Variants in GLCCI1 observed in about 807,000 individuals in gnomAD.
The protein encoded by GLCCI1 is glucocorticoid-induced transcript 1 protein.
A neutral mutation model predicts 52.2 loss-of-function variants in GLCCI1; 24 were observed. That is an observed-to-expected ratio of 0.46 (90% confidence interval 0.33 to 0.65). GLCCI1 has a LOEUF of 0.65. Among genes scored for constraint, GLCCI1 ranks in the 30% least tolerant of loss-of-function variants. The pLI is 0.02. For missense variants in GLCCI1, 704 were observed against 701.5 expected (o/e 1.00, Z -0.04); for synonymous variants, 310 against 276.5 (o/e 1.12, Z -1.20).
At chr7:7,989,523 C>A (rs1483170985) in intron 1 of GLCCI1, among the ~76,000 whole-genome samples, 1 of 152,020 alleles carries the variant, frequency 6.6e-6, no homozygotes, top group Non-Finnish European at 1.5e-5. Flanking sequence ...TTTAGATGAG[C>A]CTCACATAAA....
At chr7:8,033,880 G>GT (rs1196169355) in intron 3 of GLCCI1, among the ~76,000 whole-genome samples, 3 of 152,020 alleles carry the variant, frequency 2.0e-5, no homozygotes, top group Non-Finnish European at 2.9e-5. Context: ...TTTTTGGTTT[G>GT]TTTTTTACTA....
chr7:7,981,282 TTCTC>T (rs1047575862), intron 1 of GLCCI1: 10 of 248,148 alleles, frequency 4.0e-5, no homozygotes, highest in Admixed American at 3.0e-4. Flanking sequence ...CTTTCTTTCT[TTCTC>T]TCTCCCTCTT....
At chr7:8,064,668 T>G (rs1292340765) in intron 5 of GLCCI1, among the ~76,000 whole-genome samples, 1 of 152,178 alleles carries the variant, frequency 6.6e-6, no homozygotes, top group Non-Finnish European at 1.5e-5. Flanking sequence ...GGAACAGCAT[T>G]GAATCTGGAA....
chr7:8,046,211 A>G (rs565777060), intron 3 of GLCCI1, among the ~76,000 whole-genome samples: 3 of 152,352 alleles, frequency 2.0e-5, no homozygotes, highest in African/African-American at 4.8e-5. Context: ...CGTAGAACAT[A>G]GAACAAAGAG....
At chr7:8,075,603 G>A (rs1225834595) in intron 6 of GLCCI1, among the ~76,000 whole-genome samples, 1 of 152,186 alleles carries the variant, frequency 6.6e-6, no homozygotes, top group Admixed American at 6.5e-5. Context: ...CCAAACTGGT[G>A]CTGGTTAAGC....
intron 1 of GLCCI1, among the ~76,000 whole-genome samples, chr7:7,984,627 G>A (rs1047574946): frequency 1.3e-5 from 2 of 152,110 alleles, no homozygotes; most frequent in African/African-American, 2.4e-5. Context: ...TGTTATTTAC[G>A]CAAACTTTTT....
chr7:7,981,186 A>G (rs1382530009), intron 1 of GLCCI1: 4 of 364,484 alleles, frequency 1.1e-5, no homozygotes, highest in African/African-American at 4.5e-5. Flanking sequence ...ATTTGGGCCA[A>G]TAAGAAGTTG....
At position 8,080,783 on chromosome 7, in the gene GLCCI1, G is replaced by A. The variant is rs146706630; in HGVS notation, c.1178-4114G>A. On this transcript the variant is annotated intron_variant, in intron 6 of 7. Coordinates refer to ENST00000223145, the MANE Select transcript of GLCCI1 (RefSeq NM_138426.4). ...TTTTACTATAATAATAATATTCAGC[G>A]CTTACTGTGTTTCAGGCACTATCCT... Among the ~76,000 whole-genome samples the A allele has an allele frequency of 1.5e-3, 219 of 149,930 alleles. 7 individuals carry two copies. Among genetic ancestry groups the A allele is most frequent in the African/African-American group, 4.0e-3 (164 of 40,962 alleles).
Position 8,003,954 on chromosome 7 carries a change from G to A in GLCCI1, c.504G>A (p.Arg168=). The A allele has an allele frequency of 6.2e-7, 1 of 1,613,546 alleles. No individual in the cohort carries two copies. Among genetic ancestry groups the A allele is most frequent in the East Asian group, 2.2e-5 (1 of 44,846 alleles). The change falls in exon 2 of 8, where the codon AGG becomes AGA. Residue 168 remains arginine, a synonymous_variant. Transcript: ENST00000223145. ...SQQVRTSSTI[R]RTSSLDTITG... is the part of the protein sequence containing the mutation. ...AAGTTCGGACCTCTAGTACAATAAG[G>A]CGAACCTCCTCTTTGGATACAATAA...
At chr7:8,019,252 A>G (rs1781435291) in intron 2 of GLCCI1, among the ~76,000 whole-genome samples, 1 of 152,188 alleles carries the variant, frequency 6.6e-6, no homozygotes, top group Admixed American at 6.5e-5. Flanking sequence ...ACATGTGGTT[A>G]TTGAGCTTTT....
chr7:7,979,616 C>A (rs1160974254), intron 1 of GLCCI1, among the ~76,000 whole-genome samples: 3 of 152,088 alleles, frequency 2.0e-5, no homozygotes, highest in Non-Finnish European at 4.4e-5. Context: ...ATAGTTTAGC[C>A]TAGGATGATG....
At chr7:8,063,436 G>A (rs1037860744) in intron 5 of GLCCI1, among the ~76,000 whole-genome samples, 24 of 151,754 alleles carry the variant, frequency 1.6e-4, no homozygotes, top group South Asian at 4.2e-4. Flanking sequence ...GTGAGCCACC[G>A]CACCCAGCCT....
intron 2 of GLCCI1, among the ~76,000 whole-genome samples, chr7:8,005,432 C>T (rs971397980): frequency 6.6e-6 from 1 of 151,902 alleles, no homozygotes; most frequent in Non-Finnish European, 1.5e-5. Context: ...AACTGTGTAC[C>T]GTGTACTGTT....
chr7:8,036,440 A>G (rs1781870443), intron 3 of GLCCI1, among the ~76,000 whole-genome samples: 1 of 152,224 alleles, frequency 6.6e-6, no homozygotes, highest in Non-Finnish European at 1.5e-5. Flanking sequence ...AAAAATAAGA[A>G]GAGAGAGTTT....
chr7:7,988,800 C>T (rs1780785622), intron 1 of GLCCI1, among the ~76,000 whole-genome samples: 1 of 152,092 alleles, frequency 6.6e-6, no homozygotes, highest in African/African-American at 2.4e-5. Flanking sequence ...ATATGTTCAC[C>T]TAATCCTCTT....
chr7:8,047,363 C>T (rs1782154606), intron 3 of GLCCI1, among the ~76,000 whole-genome samples: 1 of 152,090 alleles, frequency 6.6e-6, no homozygotes, highest in Non-Finnish European at 1.5e-5. Context: ...TTGTGTTTCC[C>T]TGCTGAAATA....
chr7:8,080,615 G>A (rs1782974766), intron 6 of GLCCI1, among the ~76,000 whole-genome samples: 1 of 151,248 alleles, frequency 6.6e-6, no homozygotes, highest in Admixed American at 6.6e-5. Flanking sequence ...AAATAAAATT[G>A]TATCTGTATG....
At chr7:8,010,946 T>G (rs927255217) in intron 2 of GLCCI1, among the ~76,000 whole-genome samples, 9 of 151,970 alleles carry the variant, frequency 5.9e-5, no homozygotes, top group African/African-American at 2.2e-4. Flanking sequence ...ATTTTTTAAG[T>G]TGTGGTAAAA....
At chr7:8,072,766 TA>T (rs1782791268) in intron 6 of GLCCI1, among the ~76,000 whole-genome samples, 1 of 152,134 alleles carries the variant, frequency 6.6e-6, no homozygotes, top group African/African-American at 2.4e-5. Context: ...GTAACTGGGG[TA>T]AAAATGAAAA....
Sources: allele counts gnomAD v4.1 joint callset (sites outside exome capture counted in the v4.1 genomes callset), GRCh38; gene constraint gnomAD v4.1.1; transcripts MANE v1.5; gene names NCBI Gene and HGNC (gene_info 2026-07-23, HGNC 2026-07-21).